Variants in CIROP observed in about 807,000 individuals in gnomAD.
The protein encoded by CIROP is leishmanolysin homolog.
At chr14:23,101,174 CAGTG>C in the CIROP span, 41 of 410,310 alleles carry the variant, frequency 1.0e-4, no homozygotes, top group Non-Finnish European at 1.6e-4. Flanking sequence ...GTCATGGACT[CAGTG>C]GGTACTTAGG....
chr14:23,104,578 C>A, the CIROP span: 1 of 698,762 alleles, frequency 1.4e-6, no homozygotes. Context: ...CCCTCCCTGA[C>A]ACCTCTGTTC....
At chr14:23,101,214 T>C in the CIROP span, 20 of 430,036 alleles carry the variant, frequency 4.7e-5, no homozygotes, top group African/African-American at 3.4e-4. Flanking sequence ...TCAAAACAGG[T>C]TGGACAGTAC....
At chr14:23,104,886 GGCA>G in the CIROP span, 31,277 of 448,454 alleles carry the variant, frequency 0.07, 1,069 homozygotes, top group East Asian at 0.22. Context: ...GACTAGTGGC[GGCA>G]GCAGCAGCAG....
the CIROP span, chr14:23,102,761 T>A: frequency 5.7e-6 from 4 of 702,628 alleles, no homozygotes; most frequent in African/African-American, 7.0e-5. Context: ...TGCAGCAGGA[T>A]TGACCAAACA....
At chr14:23,102,245 A>C in the CIROP span, 1 of 702,994 alleles carries the variant, frequency 1.4e-6, no homozygotes. Context: ...CTGGCCTCCC[A>C]GTGCGAGGAC....
At chr14:23,102,217 A>T in the CIROP span, 1 of 703,034 alleles carries the variant, frequency 1.4e-6, no homozygotes. Context: ...AGCAGTCATT[A>T]AAGAACCCTG....
chr14:23,100,170 CTTG>C, the CIROP span: 32 of 193,616 alleles, frequency 1.7e-4, no homozygotes, highest in African/African-American at 5.5e-4. Flanking sequence ...GGGGGAATCA[CTTG>C]AGCCTAGGGA....
chr14:23,104,103 G>A, the CIROP span: 6 of 589,534 alleles, frequency 1.0e-5, no homozygotes, highest in South Asian at 1.1e-4. Context: ...ACTGAGAGGT[G>A]AGCCTGCTCA....
the CIROP span, chr14:23,103,596 T>C: frequency 4.7e-6 from 2 of 428,492 alleles, no homozygotes; most frequent in African/African-American, 6.0e-5. Flanking sequence ...ACAAAACTGC[T>C]TTTATGCTCC....
At chr14:23,099,391 G>A in the CIROP span, 1 of 413,412 alleles carries the variant, frequency 2.4e-6, no homozygotes, top group East Asian at 3.6e-5. Context: ...GTAGGCTGTG[G>A]TTCCCATTAC....
At chr14:23,103,740 C>G in the CIROP span, 1 of 702,906 alleles carries the variant, frequency 1.4e-6, no homozygotes, top group Non-Finnish European at 2.6e-6. Flanking sequence ...TTTTGGACCC[C>G]AGGCCCATCT....
chr14:23,104,282 C>G, the CIROP span: 1 of 687,464 alleles, frequency 1.5e-6, no homozygotes, highest in Non-Finnish European at 2.7e-6. Flanking sequence ...ATCCTGGGTT[C>G]AAGAGGCTGC....
the CIROP span, chr14:23,101,253 T>G: frequency 1.3e-4 from 59 of 450,808 alleles, no homozygotes; most frequent in Non-Finnish European, 2.2e-4. Context: ...CGACTTCTTT[T>G]TGCCAGTATG....
At chr14:23,102,460 CTAG>C in the CIROP span, 2 of 702,652 alleles carry the variant, frequency 2.8e-6, no homozygotes, top group African/African-American at 3.5e-5. Context: ...TGCCTTGTCA[CTAG>C]TTGCCTTGTA....
At chr14:23,099,897 A>G in the CIROP span, 151,264 of 168,688 alleles carry the variant, frequency 0.9, 68,710 homozygotes, top group East Asian at 0.98. Context: ...ACTTGGCAGC[A>G]AGGGAAGTGG....
chr14:23,103,692 A>T, the CIROP span: 2 of 702,866 alleles, frequency 2.8e-6, no homozygotes, highest in East Asian at 2.7e-5. Flanking sequence ...TGGCACTTGG[A>T]AGTGTGAGCA....
chr14:23,103,929 A>G, the CIROP span: 1 of 607,858 alleles, frequency 1.6e-6, no homozygotes, highest in Non-Finnish European at 2.9e-6. Flanking sequence ...TTATCTAGGC[A>G]GCTGGCTAGA....
chr14:23,103,386 C>CAA, the CIROP span: 4 of 366,714 alleles, frequency 1.1e-5, no homozygotes, highest in East Asian at 4.6e-5. Context: ...CCCGTCTCTA[C>CAA]AAAAAAAAAT....
the CIROP span, chr14:23,100,823 C>T: frequency 2.0e-5 from 8 of 398,970 alleles, no homozygotes; most frequent in South Asian, 8.9e-4. Context: ...TCTCCTTGGC[C>T]CATTGTATAA....
Sources: allele counts gnomAD v4.1 joint callset, GRCh38; gene constraint gnomAD v4.1.1; transcripts MANE v1.5; gene names NCBI Gene and HGNC (gene_info 2026-07-23, HGNC 2026-07-21).